D2HGDH: variants seen among roughly 807,000 people sequenced by gnomAD.
D2HGDH encodes the protein D-2-hydroxyglutarate dehydrogenase, also known as D-2-hydroxyglutarate dehydrogenase, mitochondrial.
In D2HGDH, 31 loss-of-function variants were observed where a neutral mutation model predicts 46.9. The ratio of observed to expected loss-of-function variants is 0.66; its 90% CI spans 0.50 to 0.89. The LOEUF is 0.89. Ranked by LOEUF, D2HGDH falls within the 40% of genes least tolerant of loss-of-function variation. The pLI is 0.00. For synonymous variants in D2HGDH, 364 were observed against 332.6 expected (o/e 1.09, Z -1.03); for missense variants, 698 against 720.8 (o/e 0.97, Z 0.36).
In D2HGDH at chr2:241,748,412, T is replaced by C. The variant is rs541556411; in HGVS notation, c.854-1739T>C. On this transcript the variant is annotated intron_variant, in intron 6 of 9. Transcript: ENST00000321264. Reference sequence around the variant, plus strand: ...CTGGGATTACAGGTGTGAGCCACTGTGCCCGGCCTCTTCAGCGGTTTCTTT... The same window carrying C: ...CTGGGATTACAGGTGTGAGCCACTGCGCCCGGCCTCTTCAGCGGTTTCTTT... 2.0e-5 allele frequency among the ~76,000 whole-genome samples: 3 copies of C among 152,334 alleles called. No individual in the cohort carries two copies. In the South Asian group the frequency reaches 6.2e-4, roughly 32 times the overall value.
chr2:241,759,211 T>C (rs1698508705), intron 9 of D2HGDH, among the ~76,000 whole-genome samples: 1 of 152,126 alleles, frequency 6.6e-6, no homozygotes, highest in Admixed American at 6.6e-5. Context: ...ATCCATCAGA[T>C]AGAAGTATAC....
At chr2:241,752,687 C>T (rs1697461334) in intron 8 of D2HGDH, among the ~76,000 whole-genome samples, 1 of 151,980 alleles carries the variant, frequency 6.6e-6, no homozygotes, top group Non-Finnish European at 1.5e-5. Context: ...GTGAGCCCAA[C>T]TGCCCTTGGT....
chr2:241,745,084 G>C (rs1369968170), intron 6 of D2HGDH, among the ~76,000 whole-genome samples: 1 of 152,114 alleles, frequency 6.6e-6, no homozygotes, highest in Non-Finnish European at 1.5e-5. Context: ...TGTAGAGTGA[G>C]GCCTCTCTCT....
chr2:241,745,246 G>A (rs1468961524), intron 6 of D2HGDH, among the ~76,000 whole-genome samples: 1 of 152,150 alleles, frequency 6.6e-6, no homozygotes, highest in Non-Finnish European at 1.5e-5. Flanking sequence ...GTTACTGTGG[G>A]GATAAAGAAT....
At chr2:241,757,714 T>C (rs1698321305) in intron 9 of D2HGDH, among the ~76,000 whole-genome samples, 2 of 152,056 alleles carry the variant, frequency 1.3e-5, no homozygotes, top group Non-Finnish European at 2.9e-5. Flanking sequence ...TCCCAGCACT[T>C]TGGGAGGCTG....
At chr2:241,755,096 G>A (rs774386818) in intron 8 of D2HGDH, 121 of 1,303,948 alleles carry the variant, frequency 9.3e-5, no homozygotes, top group Non-Finnish European at 1.2e-4. Context: ...ACCACAGGCC[G>A]ATCTGTCTGA....
At chr2:241,746,189 C>T (rs778351707) in intron 6 of D2HGDH, among the ~76,000 whole-genome samples, 3 of 152,056 alleles carry the variant, frequency 2.0e-5, no homozygotes, top group Non-Finnish European at 2.9e-5. Flanking sequence ...TGTCTCAGTC[C>T]GTCTTCTGTG....
chr2:241,741,003 C>G, intron 2 of D2HGDH, 30 bp from the exon 3 acceptor site: 1 of 1,603,320 alleles, frequency 6.2e-7, no homozygotes, highest in East Asian at 2.2e-5. Context: ...TCCCCCCACG[C>G]TGTCTCATAG....
At chr2:241,740,942 A>C in intron 2 of D2HGDH, 91 bp from the exon 3 acceptor site, 1 of 1,083,590 alleles carries the variant, frequency 9.2e-7, no homozygotes. Flanking sequence ...TCCGTCTCCA[A>C]AAAAAAAAAC....
Position 241,768,086 on chromosome 2 carries a change from T to G in D2HGDH, c.*117T>G. The G allele has an allele frequency of 2.8e-6, 4 of 1,409,994 alleles. No homozygotes were observed. Among genetic ancestry groups the G allele is most frequent in the Admixed American group, 4.7e-5 (2 of 42,188 alleles). 87.3% of individuals were successfully genotyped at this position (1,409,994 alleles called of 1,614,324 possible). ...GTGGGCAGGGGACCAGGCACCTGGT[T>G]GAAGGGACTGGGAGCCCGCACTGGG... On this transcript the variant is annotated 3_prime_UTR_variant, in exon 10 of 10. Transcript: ENST00000321264.
chr2:241,763,645 T>A (rs1699027106), intron 9 of D2HGDH, among the ~76,000 whole-genome samples: 1 of 152,084 alleles, frequency 6.6e-6, no homozygotes, highest in East Asian at 1.9e-4. Flanking sequence ...GTGATGGCAG[T>A]TTTTCAGCTC....
At position 241,742,685 on chromosome 2, in the gene D2HGDH, C is replaced by T; in HGVS notation, c.490+111C>T. 2 of 1,409,034 alleles carry T rather than the reference C, an allele frequency of 1.4e-6. No homozygotes were observed. Among genetic ancestry groups the T allele is most frequent in the East Asian group, 2.3e-5 (1 of 43,408 alleles). The allele number at this position is 1,409,034 out of a possible 1,614,324, so 87.3% of individuals were successfully genotyped here. A position where few individuals can be genotyped will look rare whatever the true frequency, so the allele number is the denominator to read the frequency against. Reference sequence around the variant, plus strand: ...GCTTGGGTGGGTGAATGAGTTAGGGCCGGCGCTGGGGAAAGAACCAGCGTC... The same window carrying T: ...GCTTGGGTGGGTGAATGAGTTAGGGTCGGCGCTGGGGAAAGAACCAGCGTC... On this transcript the variant is annotated intron_variant, in intron 4 of 9. Transcript: ENST00000321264. This position sits in a 1 kb window ranked among gnomAD's most constrained non-coding sequence, Gnocchi z 4.8.
At chr2:241,756,146 T>C in intron 9 of D2HGDH, 132 bp downstream of exon 9, 7 of 1,281,746 alleles carry the variant, frequency 5.5e-6, no homozygotes, top group East Asian at 2.6e-5. Context: ...CCGTAGACAC[T>C]GGCAGGACCA....
chr2:241,741,455 A>G (rs1178530861), intron 3 of D2HGDH, among the ~76,000 whole-genome samples: 4 of 151,962 alleles, frequency 2.6e-5, no homozygotes, highest in Admixed American at 2.6e-4. Context: ...GTTAAACTCC[A>G]TCCCTGGGAC....
intron 6 of D2HGDH, among the ~76,000 whole-genome samples, chr2:241,747,060 CTT>C (rs1696046738): frequency 6.6e-6 from 1 of 151,936 alleles, no homozygotes; most frequent in Non-Finnish European, 1.5e-5. Context: ...AAGCCATCCT[CTT>C]GAGTAGCTGG....
rs146018131 is a variant in D2HGDH at position 241,738,689 on chromosome 2, G to A, written c.293-2344G>A. On this transcript the variant is annotated intron_variant, in intron 2 of 9. Transcript: ENST00000321264. Reference sequence around the variant, plus strand: ...CTGGTCAGCACCTTTTTGGGAATCCGTGGCCATGGACACCCTGTCCTGCTG... The same window carrying A: ...CTGGTCAGCACCTTTTTGGGAATCCATGGCCATGGACACCCTGTCCTGCTG... Among the ~76,000 whole-genome samples, 758 of 152,312 alleles carry A rather than the reference G, an allele frequency of 5.0e-3. 7 individuals are homozygous for A. Among genetic ancestry groups the A allele is most frequent in the African/African-American group, 0.017 (725 of 41,574 alleles).
chr2:241,756,056 G>C (rs766231124), intron 9 of D2HGDH, 42 bp downstream of exon 9: 314 of 1,569,012 alleles, frequency 2.0e-4, no homozygotes, highest in Non-Finnish European at 2.3e-4. Context: ...TGTGCTGGGT[G>C]GTGGGCCCCA....
intron 2 of D2HGDH, among the ~76,000 whole-genome samples, chr2:241,738,149 G>GC (rs1431939216): frequency 6.6e-6 from 1 of 152,162 alleles, no homozygotes; most frequent in Non-Finnish European, 1.5e-5. Context: ...GAGTGGAAGG[G>GC]CCCCCACCCT....
intron 9 of D2HGDH, among the ~76,000 whole-genome samples, chr2:241,765,098 G>A (rs556077858): frequency 2.0e-5 from 3 of 152,344 alleles, no homozygotes; most frequent in East Asian, 3.9e-4. Context: ...GACACCCATG[G>A]GGGTGGGGGC....
Sources: allele counts gnomAD v4.1 joint callset (sites outside exome capture counted in the v4.1 genomes callset), GRCh38; gene constraint gnomAD v4.1.1; non-coding constraint Gnocchi (gnomAD v3.1); transcripts MANE v1.5; gene names NCBI Gene and HGNC (gene_info 2026-07-23, HGNC 2026-07-21).